Variants in PI4KB observed in about 807,000 individuals in gnomAD.
PI4KB encodes phosphatidylinositol 4-kinase beta.
PI4KB carries 23 observed loss-of-function variants against 81.4 expected under a neutral mutation model. The observed-to-expected ratio is 0.28, with a 90% CI of 0.20 to 0.40. The LOEUF is 0.40. Among genes scored for constraint, PI4KB ranks in the 10% least tolerant of loss-of-function variants. PI4KB has a pLI of 1.00. For missense variants in PI4KB, 651 were observed against 1,036.6 expected (o/e 0.63, Z 5.11); for synonymous variants, 381 against 406.8 (o/e 0.94, Z 0.76).
chr1:151,321,955 G>A (rs1648909793), intron 1 of PI4KB, among the ~76,000 whole-genome samples: 1 of 151,518 alleles, frequency 6.6e-6, no homozygotes, highest in South Asian at 2.1e-4. Context: ...AAAGGTGAAG[G>A]AAAAAGTCCT....
At chr1:151,323,920 A>G (rs1338839526) in intron 1 of PI4KB, among the ~76,000 whole-genome samples, 1 of 151,862 alleles carries the variant, frequency 6.6e-6, no homozygotes, top group African/African-American at 2.4e-5. Context: ...GTACCATTGG[A>G]TTTGTTACCA....
At chr1:151,324,959 G>C (rs972170678) in intron 1 of PI4KB, 1 of 888,958 alleles carries the variant, frequency 1.1e-6, no homozygotes, top group African/African-American at 1.8e-5. Context: ...ATGATTTCTG[G>C]TTGGGGATGC....
Position 151,294,487 on chromosome 1 carries a change from A to T in PI4KB, c.2070T>A (p.Phe690Leu). ...DAEGHIIHID[F>L]GFILSSSPRN... Reference sequence around the variant, plus strand: ...GGGGTGAGCTGGAGAGGATGAAGCCAAAGTCGATGTGGATGATGTGGCCTT... The same window carrying T: ...GGGGTGAGCTGGAGAGGATGAAGCCTAAGTCGATGTGGATGATGTGGCCTT... Residue 690 changes from phenylalanine (F) to leucine (L), a missense_variant, in exon 10 of 12, where the codon TTT becomes TTA. By Grantham distance (22) the Phe-to-Leu change is conservative (BLOSUM62 0). This residue lies in a region of PI4KB where 19 missense variants were observed against 77.8 expected (regional missense o/e 0.24). Transcript: ENST00000368873. The T allele has an allele frequency of 6.2e-7, 1 of 1,614,044 alleles. No individual in the cohort carries two copies. Among genetic ancestry groups the T allele is most frequent in the Non-Finnish European group, 8.5e-7 (1 of 1,179,982 alleles).
intron 3 of PI4KB, among the ~76,000 whole-genome samples, chr1:151,308,422 C>T (rs116635888): frequency 1.4e-3 from 214 of 152,222 alleles, no homozygotes; most frequent in Non-Finnish European, 2.6e-3. Flanking sequence ...GAGGATGAGC[C>T]GATGAGCAGA....
chr1:151,316,169 C>A lies in PI4KB; in HGVS notation c.313G>T (p.Gly105Trp). The A allele has an allele frequency of 6.2e-7, 1 of 1,614,040 alleles. No homozygotes were observed. Among genetic ancestry groups the A allele is most frequent in the Non-Finnish European group, 8.5e-7 (1 of 1,179,924 alleles). ...GCTGTGCCTGAGGCCACAGCGGCCC[C>A]CATCTCATCTTCCTCCTCCCTGATC... ...AQIREEEDEM[G>W]AAVASGTAKG... The change falls in exon 2 of 12, where the codon GGG becomes TGG. Residue 105 changes from glycine to tryptophan, a missense_variant. Gly to Trp is a radical substitution (Grantham distance 184). Coordinates refer to ENST00000368873, the MANE Select transcript of PI4KB (RefSeq NM_001369623.2).
At chr1:151,304,553 C>T (rs946110157) in intron 5 of PI4KB, among the ~76,000 whole-genome samples, 1 of 151,746 alleles carries the variant, frequency 6.6e-6, no homozygotes, top group African/African-American at 2.4e-5. Context: ...CCATGTTAGT[C>T]AGGCTGTTCT....
chr1:151,294,203 C>A (rs1694597613), intron 10 of PI4KB, 65 bp from the exon 11 acceptor site: 4 of 1,561,552 alleles, frequency 2.6e-6, no homozygotes, highest in Non-Finnish European at 3.5e-6. Flanking sequence ...CCTGTCCTGA[C>A]TGGCCTACCA....
At chr1:151,322,826 G>T (rs1387371505) in intron 1 of PI4KB, among the ~76,000 whole-genome samples, 2 of 152,030 alleles carry the variant, frequency 1.3e-5, no homozygotes, top group South Asian at 2.1e-4. Context: ...ACGATTTCTG[G>T]TTGGGGATGC....
intron 1 of PI4KB, among the ~76,000 whole-genome samples, chr1:151,323,080 G>T (rs1251740280): frequency 6.6e-6 from 1 of 152,120 alleles, no homozygotes; most frequent in South Asian, 2.1e-4. Context: ...AGAAAGAAAG[G>T]TTCAAATATA....
At position 151,293,049 on chromosome 1, in the gene PI4KB, G is replaced by A. The variant is rs117148079; in HGVS notation, c.2270-16C>T. The A allele has an allele frequency of 4.0e-5, 65 of 1,613,126 alleles. No individual in the cohort carries two copies. In the East Asian group the frequency reaches 9.8e-4, roughly 24 times the overall value. On this transcript the variant is annotated splice_polypyrimidine_tract_variant and intron_variant, in intron 11 of 11. Coordinates refer to ENST00000368873, the MANE Select transcript of PI4KB (RefSeq NM_001369623.2). ...AGCTGAGAACCTGGGGGAAGCAGTC[G>A]GAGTTCAGGGTCATGGATGGACGGG...
chr1:151,298,879 A>C lies in PI4KB; in HGVS notation c.1944T>G (p.Ser648Arg). ...AACTTTGCACAAAATTGCGCTGTGCACTGAGGAATGCCTCAGTGGTGTAAC... is the reference window on the plus strand; with the variant it reads ...AACTTTGCACAAAATTGCGCTGTGCCCTGAGGAATGCCTCAGTGGTGTAAC... ...HGSYTTEAFL[S>R]AQRNFVQSCA... Residue 648 changes from serine to arginine, a missense_variant, in exon 9 of 12, where the codon AGT (serine) becomes AGG (arginine). Ser to Arg is a moderately radical substitution (Grantham distance 110). Coordinates refer to ENST00000368873, the MANE Select transcript of PI4KB (RefSeq NM_001369623.2). 8 of 1,614,206 alleles carry C rather than the reference A, an allele frequency of 5.0e-6. No homozygotes were observed. Among genetic ancestry groups the C allele is most frequent in the Non-Finnish European group, 6.8e-6 (8 of 1,180,012 alleles).
At chr1:151,307,854 TG>T (rs1482372417) in intron 3 of PI4KB, 53 bp from the exon 4 acceptor site, 2 of 1,335,864 alleles carry the variant, frequency 1.5e-6, no homozygotes, top group Admixed American at 3.4e-5. Flanking sequence ...TAGAATACAA[TG>T]GCACACCCAC....
intron 2 of PI4KB, among the ~76,000 whole-genome samples, chr1:151,314,718 C>G (rs1375399337): frequency 6.6e-6 from 1 of 152,172 alleles, no homozygotes; most frequent in Non-Finnish European, 1.5e-5. Context: ...ATAAACCTTA[C>G]ACTTATGTCA....
At position 151,307,567 on chromosome 1, in the gene PI4KB, C is replaced by T. The variant is rs1368325945; in HGVS notation, c.1182+7G>A. ...CAGGGTAGGGGTTTGGGCCAGAACC[C>T]ATCTACCTTGTCCTTGGAGTTGAGG... On this transcript the variant is annotated splice_region_variant and intron_variant, in intron 4 of 11. Transcript: ENST00000368873. The T allele has an allele frequency of 1.3e-6, 2 of 1,599,636 alleles. No individual in the cohort carries two copies. Among genetic ancestry groups the T allele is most frequent in the Non-Finnish European group, 1.7e-6 (2 of 1,167,024 alleles).
At chr1:151,324,877 T>C in intron 1 of PI4KB, 1 of 985,308 alleles carries the variant, frequency 1.0e-6, no homozygotes, top group South Asian at 4.7e-5. Flanking sequence ...ATTTGCTGCT[T>C]TGGATGGTGT....
At chr1:151,318,666 C>T (rs532513933) in intron 1 of PI4KB, among the ~76,000 whole-genome samples, 6 of 151,832 alleles carry the variant, frequency 4.0e-5, no homozygotes, top group South Asian at 2.1e-4. Flanking sequence ...GAGCCGAGAT[C>T]GCACCGCTGC....
rs766938242 is a variant in PI4KB at position 151,299,061 on chromosome 1, G to T, written c.1762C>A (p.Gln588Lys). 1.2e-6 allele frequency: 2 copies of T among 1,613,842 alleles called. No individual in the cohort carries two copies. The highest frequency in any genetic ancestry group is 1.7e-5 in the Admixed American group (1 of 59,996). Reference sequence around the variant, plus strand: ...TTGATCCAAAGGGGCACTCGCTCCTGTTCCCAAATGGACTGTGAGGAGACA... The same window carrying T: ...TTGATCCAAAGGGGCACTCGCTCCTTTTCCCAAATGGACTGTGAGGAGACA... ...VLKQLQSIWE[Q>K]ERVPLWIKPY... Residue 588 changes from glutamine to lysine, a missense_variant, in exon 9 of 12, where the codon CAG becomes AAG. Gln to Lys is a moderately conservative substitution (Grantham distance 53). Around this residue, in one of 5 missense-constraint regions of PI4KB, gnomAD observed 246 missense variants for 430.1 expected, o/e 0.57. Transcript: ENST00000368873.
chr1:151,326,569 T>G (rs1037262528), intron 1 of PI4KB, among the ~76,000 whole-genome samples: 10 of 151,924 alleles, frequency 6.6e-5, no homozygotes, highest in African/African-American at 1.9e-4. Context: ...GTTGGGGGAT[T>G]GAGGAGGGAG....
At chr1:151,320,636 C>T (rs1648715710) in intron 1 of PI4KB, among the ~76,000 whole-genome samples, 1 of 152,132 alleles carries the variant, frequency 6.6e-6, no homozygotes, top group Non-Finnish European at 1.5e-5. Context: ...TGGATCTGTC[C>T]CTACTCGCAA....
Sources: gnomAD v4.1 joint callset for allele counts (sites outside exome capture counted in the v4.1 genomes callset) on GRCh38, gnomAD v4.1.1 for gene constraint, gnomAD v4.1.1 regional missense constraint, MANE v1.5 for transcripts, NCBI Gene and HGNC (gene_info 2026-07-23, HGNC 2026-07-21) for gene names.